Variants in SOS2 observed in about 807,000 individuals in gnomAD.
SOS2 encodes the protein SOS Ras/Rho guanine nucleotide exchange factor 2.
SOS2 carries 65 observed loss-of-function variants against 148.2 expected under a neutral mutation model. The observed-to-expected ratio is 0.44, with a 90% CI of 0.36 to 0.54. The LOEUF (loss-of-function observed/expected upper bound fraction) is 0.54, where lower values mean the gene tolerates loss of function less well. Ranked by LOEUF, SOS2 falls within the 20% of genes least tolerant of loss-of-function variation. The pLI is 0.00. For synonymous variants in SOS2, 539 were observed against 537.1 expected (o/e 1.00, Z -0.05); for missense variants, 1,341 against 1,590.2 (o/e 0.84, Z 2.67).
intron 6 of SOS2, 139 bp downstream of exon 6, chr14:50,182,324 A>G: frequency 1.4e-6 from 1 of 715,768 alleles, no homozygotes; most frequent in South Asian, 1.8e-5. Context: ...GGGACCACAG[A>G]TGGGCACTAC....
intron 19 of SOS2, among the ~76,000 whole-genome samples, chr14:50,132,784 G>A (rs118069177): frequency 7.2e-5 from 11 of 152,310 alleles, no homozygotes; most frequent in Non-Finnish European, 1.2e-4. Flanking sequence ...CTATGGGACT[G>A]TTTTGAGAAA....
At chr14:50,135,085 AAAAAAAAGAAAG>A in intron 18 of SOS2, among the ~76,000 whole-genome samples, 1 of 144,056 alleles carries the variant, frequency 6.9e-6, no homozygotes, top group Middle Eastern at 3.4e-3. Context: ...AAAAAAAAAA[AAAAAAAAGAAAG>A]AAAGAAAGAA....
chr14:50,174,834 A>C (rs1423173724), intron 7 of SOS2, among the ~76,000 whole-genome samples: 1 of 152,164 alleles, frequency 6.6e-6, no homozygotes, highest in Non-Finnish European at 1.5e-5. Context: ...CATATACCCT[A>C]AAGGAATTCT....
intron 1 of SOS2, among the ~76,000 whole-genome samples, chr14:50,208,047 G>A (rs969856086): frequency 1.3e-5 from 2 of 152,048 alleles, no homozygotes; most frequent in African/African-American, 2.4e-5. Context: ...TATAATCCCA[G>A]CACTTTAGGA....
At chr14:50,221,104 C>A (rs1346020221) in intron 1 of SOS2, among the ~76,000 whole-genome samples, 4 of 152,142 alleles carry the variant, frequency 2.6e-5, no homozygotes, top group African/African-American at 7.2e-5. Flanking sequence ...TATTAAAAGC[C>A]ATTTTCCCTT....
chr14:50,189,457 A>C (rs896174510), intron 4 of SOS2, among the ~76,000 whole-genome samples: 1 of 151,868 alleles, frequency 6.6e-6, no homozygotes, highest in Non-Finnish European at 1.5e-5. Context: ...ATTCCTTATG[A>C]GTAAAATGTA....
intron 14 of SOS2, among the ~76,000 whole-genome samples, chr14:50,149,217 T>C (rs1298561996): frequency 6.6e-6 from 1 of 152,142 alleles, no homozygotes; most frequent in Non-Finnish European, 1.5e-5. Context: ...TATTTTAAAT[T>C]GAGGCTTCTA....
At chr14:50,140,471 C>A (rs1884233913) in intron 16 of SOS2, among the ~76,000 whole-genome samples, 1 of 152,128 alleles carries the variant, frequency 6.6e-6, no homozygotes, top group African/African-American at 2.4e-5. Flanking sequence ...AAGACTTGAA[C>A]AAAAATTTAG....
In SOS2 at chr14:50,193,359, T is replaced by C. The variant is rs921124111; in HGVS notation, c.511-4659A>G. 3.9e-5 allele frequency among the ~76,000 whole-genome samples: 6 copies of C among 152,078 alleles called. No individual in the cohort carries two copies. The South Asian group carries it at 1.2e-3, about 32-fold the overall frequency. Reference sequence around the variant, plus strand: ...GCCTGGCCTTTACCTTTCCTAAACATCAATTTCCTTCTTAAGCATTTATGT... The same window carrying C: ...GCCTGGCCTTTACCTTTCCTAAACACCAATTTCCTTCTTAAGCATTTATGT... On this transcript the variant is annotated intron_variant, in intron 4 of 22. Coordinates refer to ENST00000216373, the MANE Select transcript of SOS2 (RefSeq NM_006939.4).
chr14:50,168,323 G>A (rs1386095054), intron 8 of SOS2, among the ~76,000 whole-genome samples: 1 of 152,134 alleles, frequency 6.6e-6, no homozygotes, highest in Non-Finnish European at 1.5e-5. Context: ...CTGGGCTCAA[G>A]TGATCCTCTC....
intron 21 of SOS2, among the ~76,000 whole-genome samples, chr14:50,125,944 G>A (rs985418992): frequency 4.6e-5 from 7 of 152,228 alleles, no homozygotes; most frequent in Non-Finnish European, 1.0e-4. Context: ...TCCTTCTTTA[G>A]AGAAACTAAA....
chr14:50,201,410 T>G (rs1379456537), intron 2 of SOS2, among the ~76,000 whole-genome samples: 2 of 151,394 alleles, frequency 1.3e-5, no homozygotes, highest in Admixed American at 1.3e-4. Context: ...GGTGCATGCC[T>G]ATAGTCCCAG....
chr14:50,190,286 CA>C (rs1886086065), intron 4 of SOS2, among the ~76,000 whole-genome samples: 1 of 152,052 alleles, frequency 6.6e-6, no homozygotes, highest in Non-Finnish European at 1.5e-5. Context: ...AAGGAAACTA[CA>C]AAAAGTAAAA....
chr14:50,177,482 T>A (rs1950510), intron 7 of SOS2, among the ~76,000 whole-genome samples: 29,481 of 151,920 alleles, frequency 0.19, 3,083 homozygotes, highest in East Asian at 0.48. Flanking sequence ...CTCTTCCAAT[T>A]TCACTGAATA....
chr14:50,150,964 C>G (rs768944040), intron 13 of SOS2, among the ~76,000 whole-genome samples: 1 of 152,024 alleles, frequency 6.6e-6, no homozygotes, highest in African/African-American at 2.4e-5. Context: ...ACCTCGTGAT[C>G]TGCCTGCCTT....
Position 50,158,605 on chromosome 14 carries a change from A to ATGAACGATATG in SOS2, c.1883_1893dup (p.Phe632HisfsTer12). ...CTCAGCAATTCCTGTGGTTTACAAAATGAACGATATGTGGTAAGAAAAGTA... is the reference window on the plus strand; with the variant it reads ...CTCAGCAATTCCTGTGGTTTACAAAATGAACGATATGTGAACGATATGTGGTAAGAAAAGTA... On this transcript the variant is annotated frameshift_variant, in exon 11 of 23. Coordinates refer to ENST00000216373, the MANE Select transcript of SOS2 (RefSeq NM_006939.4). LOFTEE classifies it high-confidence loss of function. 6.2e-7 allele frequency: 1 copy of ATGAACGATATG among 1,609,900 alleles called. No individual in the cohort carries two copies. The highest frequency in any genetic ancestry group is 8.5e-7 in the Non-Finnish European group (1 of 1,177,720).
chr14:50,122,391 CTT>C (rs71118839), intron 21 of SOS2, among the ~76,000 whole-genome samples: 5 of 88,290 alleles, frequency 5.7e-5, no homozygotes, highest in Non-Finnish European at 6.0e-5. Flanking sequence ...GAACCCTGGG[CTT>C]TTTTTTTTTT....
chr14:50,212,451 C>T (rs1198084881), intron 1 of SOS2, among the ~76,000 whole-genome samples: 1 of 152,154 alleles, frequency 6.6e-6, no homozygotes, highest in African/African-American at 2.4e-5. Flanking sequence ...TCCAGCCTGG[C>T]AACATAGCGA....
At chr14:50,192,245 C>T (rs761609472) in intron 4 of SOS2, among the ~76,000 whole-genome samples, 2 of 151,716 alleles carry the variant, frequency 1.3e-5, no homozygotes, top group Non-Finnish European at 2.9e-5. Flanking sequence ...ATATTCATAC[C>T]CCACTCCTGT....
Sources: allele counts gnomAD v4.1 joint callset (sites outside exome capture counted in the v4.1 genomes callset), GRCh38; gene constraint gnomAD v4.1.1; transcripts MANE v1.5; gene names NCBI Gene and HGNC (gene_info 2026-07-23, HGNC 2026-07-21).